CNTNAP3B: variants seen among roughly 807,000 people sequenced by gnomAD.
The protein encoded by CNTNAP3B is contactin associated protein family member 3B.
CNTNAP3B carries 25 observed loss-of-function variants against 108.9 expected under a neutral mutation model. The ratio of observed to expected loss-of-function variants is 0.23; its 90% CI spans 0.17 to 0.32. CNTNAP3B has a LOEUF of 0.32. Ranked by LOEUF, CNTNAP3B falls within the 10% of genes least tolerant of loss-of-function variation. CNTNAP3B has a pLI of 1.00. For synonymous variants in CNTNAP3B, 103 were observed against 473.4 expected (o/e 0.22, Z 10.16); for missense variants, 252 against 1,210.4 (o/e 0.21, Z 11.75).
At chr9:41,922,083 A>C (rs1277906987) in intron 17 of CNTNAP3B, among the ~76,000 whole-genome samples, 2 of 142,258 alleles carry the variant, frequency 1.4e-5, no homozygotes, top group African/African-American at 2.7e-5. Context: ...CTATCCTGGG[A>C]TCTCTCTCAT....
chr9:41,913,694 G>A (rs1386208373), intron 18 of CNTNAP3B, among the ~76,000 whole-genome samples: 2 of 136,366 alleles, frequency 1.5e-5, no homozygotes, highest in African/African-American at 5.9e-5. Flanking sequence ...CATCTCAGCT[G>A]CTGGTATCCT....
intron 3 of CNTNAP3B, among the ~76,000 whole-genome samples, chr9:42,017,290 A>G (rs1036024934): frequency 7.4e-6 from 1 of 134,568 alleles, no homozygotes; most frequent in African/African-American, 3.0e-5. Context: ...AATGTTAAGC[A>G]CATGGATAGT....
At chr9:41,939,569 T>A (rs1000721524) in intron 13 of CNTNAP3B, among the ~76,000 whole-genome samples, 17 of 152,286 alleles carry the variant, frequency 1.1e-4, no homozygotes, top group Non-Finnish European at 2.4e-4. Flanking sequence ...AGGAATCTTT[T>A]AAAAATGTGC....
At chr9:41,917,050 C>T (rs1354632131) in intron 18 of CNTNAP3B, among the ~76,000 whole-genome samples, 1 of 152,274 alleles carries the variant, frequency 6.6e-6, no homozygotes, top group African/African-American at 2.4e-5. Flanking sequence ...TTTCACTGAG[C>T]TTCTGTATCT....
intron 3 of CNTNAP3B, among the ~76,000 whole-genome samples, chr9:42,020,043 AAATT>A (rs1315637419): frequency 1.4e-4 from 18 of 127,862 alleles, no homozygotes; most frequent in African/African-American, 3.6e-4. Flanking sequence ...TTTTAAATAA[AAATT>A]AATTAATTTA....
intron 17 of CNTNAP3B, among the ~76,000 whole-genome samples, chr9:41,921,742 G>A (rs1303962871): frequency 2.6e-5 from 4 of 152,082 alleles, no homozygotes; most frequent in African/African-American, 9.7e-5. Context: ...TGCAAGAACA[G>A]ATGAGCCAGA....
At chr9:41,921,110 T>A in intron 17 of CNTNAP3B, among the ~76,000 whole-genome samples, 1 of 152,370 alleles carries the variant, frequency 6.6e-6, no homozygotes, top group Non-Finnish European at 1.5e-5. Flanking sequence ...GGGCCTAAGG[T>A]GGGGGCCCCA....
intron 3 of CNTNAP3B, among the ~76,000 whole-genome samples, chr9:42,021,970 A>T (rs1375371355): frequency 8.5e-5 from 10 of 117,600 alleles, no homozygotes; most frequent in Non-Finnish European, 1.7e-5. Flanking sequence ...GGGCTTAGGC[A>T]AGCCAACCGT....
rs1403010620 is a variant in CNTNAP3B at position 42,121,393 on chromosome 9, C to G, written c.85+7617G>C. ...CTTTCTAAGAAAACTCTGGCTGGGA[C>G]AGTGGACTTTCCAGAATGGAATGTG... On this transcript the variant is annotated intron_variant, in intron 1 of 23. Coordinates refer to ENST00000377561, the MANE Select transcript of CNTNAP3B (RefSeq NM_001201380.3). Among the ~76,000 whole-genome samples, 2 of 139,092 alleles carry G rather than the reference C, an allele frequency of 1.4e-5. 1 individual carries two copies. 91.2% of individuals were successfully genotyped at this position (139,092 alleles called of 152,430 possible).
rs1284437100 is a variant in CNTNAP3B at position 41,953,199 on chromosome 9, C to A, written c.2064G>T (p.Arg688=). The A allele has an allele frequency of 6.6e-7, 1 of 1,524,240 alleles. No homozygotes were observed. The highest frequency in any genetic ancestry group is 8.7e-7 in the Non-Finnish European group (1 of 1,145,396). 94.4% of individuals were successfully genotyped at this position (1,524,240 alleles called of 1,614,324 possible). ...QRLALRCGTA[R]RPDSRDGTPL... is the part of the protein sequence containing the mutation. The stretch of plus-strand genomic sequence containing the variant: ...GGCGCTTACCTCGTGAGTCCGGGCG[C>A]CGCGCTGTCCCGCAGCGCAGAGCCA... Residue 688 remains arginine, a synonymous_variant, in exon 13 of 24, where the codon CGG becomes CGT. Transcript: ENST00000377561.
At chr9:42,098,958 C>A (rs1336542061) in intron 2 of CNTNAP3B, among the ~76,000 whole-genome samples, 1 of 135,824 alleles carries the variant, frequency 7.4e-6, no homozygotes, top group Non-Finnish European at 1.6e-5. Flanking sequence ...TGCCCACATC[C>A]GAAGGGCTGG....
intron 17 of CNTNAP3B, among the ~76,000 whole-genome samples, chr9:41,922,242 G>A (rs1588040619): frequency 8.0e-6 from 1 of 125,322 alleles, no homozygotes; most frequent in East Asian, 2.2e-4. Flanking sequence ...GAGGTGGGTG[G>A]ATCATCAGGT....
rs202051026 is a variant in CNTNAP3B at position 42,034,186 on chromosome 9, G to C, written c.391-20661C>G. 8.1e-4 allele frequency among the ~76,000 whole-genome samples: 101 copies of C among 124,368 alleles called. 13 individuals are homozygous for C. The highest frequency in any genetic ancestry group is 2.8e-3 in the African/African-American group (84 of 30,204). 81.6% of individuals were successfully genotyped at this position (124,368 alleles called of 152,430 possible). A position where few individuals can be genotyped will look rare whatever the true frequency, so the allele number is the denominator to read the frequency against. On this transcript the variant is annotated intron_variant, in intron 3 of 23. Coordinates refer to ENST00000377561, the MANE Select transcript of CNTNAP3B (RefSeq NM_001201380.3). ...TATCTATATGTATGTATGTATATAT[G>C]TATCTATCTATCTATCTATCTATCT...
chr9:41,939,390 A>T (rs1307000626), intron 13 of CNTNAP3B, among the ~76,000 whole-genome samples: 4 of 152,304 alleles, frequency 2.6e-5, no homozygotes, highest in African/African-American at 7.2e-5. Context: ...CGAGATCTGG[A>T]ACTTAGCTTC....
intron 12 of CNTNAP3B, chr9:41,960,378 A>T (rs1825041094): frequency 5.9e-6 from 1 of 168,916 alleles, no homozygotes; most frequent in Non-Finnish European, 1.3e-5. Flanking sequence ...ATGACATAAA[A>T]ATCACTAAAT....
In CNTNAP3B at chr9:41,932,566, C is replaced by A. The variant is rs1403585568; in HGVS notation, c.2238-3122G>T. ...CAGAGTCTCACTCTTGTCGCCCAGG[C>A]TGGAGTGCAATGGTGTGATCTCTGC... On this transcript the variant is annotated intron_variant, in intron 14 of 23. Coordinates refer to ENST00000377561, the MANE Select transcript of CNTNAP3B (RefSeq NM_001201380.3). 3.3e-5 allele frequency among the ~76,000 whole-genome samples: 5 copies of A among 149,924 alleles called. No individual in the cohort carries two copies. In the East Asian group the frequency reaches 7.8e-4, roughly 23 times the overall value.
chr9:41,928,274 A>G (rs1417179664), intron 15 of CNTNAP3B, among the ~76,000 whole-genome samples: 1 of 152,160 alleles, frequency 6.6e-6, no homozygotes, highest in Non-Finnish European at 1.5e-5. Context: ...GTGTCAGAAT[A>G]TTTGCATTGG....
chr9:42,127,224 C>T (rs1181442407), intron 1 of CNTNAP3B, among the ~76,000 whole-genome samples: 2 of 138,550 alleles, frequency 1.4e-5, no homozygotes, highest in East Asian at 2.2e-4. Flanking sequence ...GCGAGAGTCC[C>T]GTCTGGTGCT....
At chr9:41,977,242 T>C (rs1349235484) in intron 9 of CNTNAP3B, among the ~76,000 whole-genome samples, 1 of 151,580 alleles carries the variant, frequency 6.6e-6, no homozygotes, top group African/African-American at 2.4e-5. Flanking sequence ...CTAAAGGTGA[T>C]ACTATATTTA....
Sources: allele counts gnomAD v4.1 joint callset (sites outside exome capture counted in the v4.1 genomes callset), GRCh38; gene constraint gnomAD v4.1.1; transcripts MANE v1.5; gene names NCBI Gene and HGNC (gene_info 2026-07-23, HGNC 2026-07-21).